The following ZNF423 variants were observed in gnomAD, a reference collection of about 807,000 sequenced individuals.
ZNF423 encodes Ebf-associated zinc finger protein.
ZNF423 carries 12 observed loss-of-function variants against 95.8 expected under a neutral mutation model. The ratio of observed to expected loss-of-function variants is 0.13; its 90% CI spans 0.08 to 0.20. The LOEUF is 0.20. Among genes scored for constraint, ZNF423 ranks in the 10% least tolerant of loss-of-function variants. The pLI, the probability that ZNF423 is intolerant of heterozygous loss-of-function variation, is 1.00. For synonymous variants in ZNF423, 749 were observed against 711.9 expected, an observed-to-expected ratio of 1.05 and a Z score of -0.83; for missense variants, 1,316 against 1,737.1, an observed-to-expected ratio of 0.76 and a Z score of 4.31.
intron 5 of ZNF423, among the ~76,000 whole-genome samples, chr16:49,526,302 T>C (rs1037676609): frequency 3.9e-5 from 6 of 152,216 alleles, no homozygotes; most frequent in African/African-American, 1.2e-4. Flanking sequence ...AAATGGTCTA[T>C]GCAGTGGATG....
chr16:49,523,812 A>C, intron 6 of ZNF423, 73 bp from the exon 7 acceptor site: 1 of 1,224,736 alleles, frequency 8.2e-7, no homozygotes, highest in Non-Finnish European at 1.2e-6. Flanking sequence ...TGCCCCCACA[A>C]CACTCGCAGG....
chr16:49,524,638 A>T (rs926397540), intron 6 of ZNF423, among the ~76,000 whole-genome samples: 2 of 152,198 alleles, frequency 1.3e-5, no homozygotes, highest in African/African-American at 4.8e-5. Context: ...CGCACCCAGG[A>T]GGTGGCCCAG....
intron 5 of ZNF423, among the ~76,000 whole-genome samples, chr16:49,571,416 G>A (rs1158437916): frequency 3.3e-5 from 5 of 152,060 alleles, no homozygotes; most frequent in African/African-American, 4.8e-5. Context: ...CAGCTGCTCC[G>A]AGGGCATCAG....
chr16:49,804,147 C>T (rs1398042615), intron 1 of ZNF423, among the ~76,000 whole-genome samples: 1 of 152,026 alleles, frequency 6.6e-6, no homozygotes, highest in Non-Finnish European at 1.5e-5. Flanking sequence ...GTTGGCTAGG[C>T]TGGTCTTGAA....
At chr16:49,508,092 A>G (rs1967724663) in intron 7 of ZNF423, among the ~76,000 whole-genome samples, 1 of 152,160 alleles carries the variant, frequency 6.6e-6, no homozygotes, top group Non-Finnish European at 1.5e-5. Flanking sequence ...TCTGTGCCTC[A>G]TTTTGCTTGT....
chr16:49,577,934 G>A (rs1025618045), intron 5 of ZNF423, among the ~76,000 whole-genome samples: 1 of 152,204 alleles, frequency 6.6e-6, no homozygotes, highest in Non-Finnish European at 1.5e-5. Flanking sequence ...TGCAGTAAAG[G>A]CCAGTGCCTG....
intron 4 of ZNF423, among the ~76,000 whole-genome samples, chr16:49,633,255 C>T (rs1330706528): frequency 6.6e-6 from 1 of 152,214 alleles, no homozygotes; most frequent in Non-Finnish European, 1.5e-5. Flanking sequence ...CAAGTCCTTA[C>T]TCCTCAATGA....
rs1399990945 is a variant in ZNF423 at position 49,855,201 on chromosome 16, C to T, written c.40+534G>A. Among the ~76,000 whole-genome samples the T allele has an allele frequency of 6.6e-6, 1 of 150,552 alleles. No individual in the cohort carries two copies. Among genetic ancestry groups the T allele is most frequent in the East Asian group, 2.0e-4 (1 of 5,062 alleles). Reference sequence around the variant, plus strand: ...CGCCCGGGGCGCTCGCCGACAGCGCCCGCCGCTCCCCGCGTCCTCGGGCGA... The same window carrying T: ...CGCCCGGGGCGCTCGCCGACAGCGCTCGCCGCTCCCCGCGTCCTCGGGCGA... On this transcript the variant is annotated intron_variant, in intron 1 of 7. Transcript: ENST00000563137. This position sits in a 1 kb window ranked among gnomAD's most constrained non-coding sequence, Gnocchi z 4.7.
chr16:49,837,759 G>T (rs909107408), intron 1 of ZNF423, among the ~76,000 whole-genome samples: 53 of 152,200 alleles, frequency 3.5e-4, no homozygotes, highest in African/African-American at 1.3e-3. Flanking sequence ...CATGGGGCGG[G>T]CCCAAGGCAG....
At position 49,636,625 on chromosome 16, in the gene ZNF423, T is replaced by G. The variant is rs749194700; in HGVS notation, c.2551A>C (p.Asn851His). 1 of 1,613,964 alleles carries G rather than the reference T, an allele frequency of 6.2e-7. No individual in the cohort carries two copies. Residue 851 changes from asparagine (N) to histidine (H), a missense_variant, in exon 4 of 8, where the codon AAT becomes CAT. By Grantham distance (68) the Asn-to-His change is moderately conservative. Around this residue, in one of 6 missense-constraint regions of ZNF423, gnomAD observed 620 missense variants for 775.6 expected, o/e 0.80. Transcript: ENST00000563137. The surrounding 1 kb of genome is among the most constrained non-coding windows in gnomAD (Gnocchi z 8.6). ...TTGGTGGCCATTGGGGGTACCCCAT[T>G]GGCCGTGCCGTTCTCGGTCGCAGCA... ...FDAATENGTA[N>H]GVPPMATKKA...
At chr16:49,621,165 G>A (rs1242235942) in intron 5 of ZNF423, among the ~76,000 whole-genome samples, 1 of 152,154 alleles carries the variant, frequency 6.6e-6, no homozygotes, top group East Asian at 1.9e-4. Flanking sequence ...GCAGAGCTGG[G>A]TCAACCCGGC....
chr16:49,646,846 A>G (rs1014903475), intron 3 of ZNF423, among the ~76,000 whole-genome samples: 1 of 152,216 alleles, frequency 6.6e-6, no homozygotes, highest in African/African-American at 2.4e-5. Context: ...TGCTGGGATC[A>G]CAGGCGTGAG....
chr16:49,638,768 G>T lies in ZNF423; in HGVS notation c.408C>A (p.Gly136=), dbSNP rs771424265. Residue 136 remains glycine, a synonymous_variant, in exon 4 of 8, where the codon GGC becomes GGA. Coordinates refer to ENST00000563137, the MANE Select transcript of ZNF423 (RefSeq NM_001379286.1). The surrounding 1 kb of genome is among the most constrained non-coding windows in gnomAD (Gnocchi z 5.6). ...MIGDGCDLGL[G]EEEGGTGLPY... Reference sequence around the variant, plus strand: ...GCAGGCCCGTGCCCCCTTCCTCCTCGCCGAGGCCGAGGTCACAACCATCTC... The same window carrying T: ...GCAGGCCCGTGCCCCCTTCCTCCTCTCCGAGGCCGAGGTCACAACCATCTC... The T allele has an allele frequency of 6.2e-7, 1 of 1,614,064 alleles. No individual in the cohort carries two copies. Among genetic ancestry groups the T allele is most frequent in the South Asian group, 1.1e-5 (1 of 91,064 alleles).
intron 5 of ZNF423, among the ~76,000 whole-genome samples, chr16:49,534,896 G>A (rs764409780): frequency 6.6e-6 from 1 of 152,140 alleles, no homozygotes; most frequent in Non-Finnish European, 1.5e-5. Flanking sequence ...TTCCCTTGTG[G>A]CTCGCTGCAG....
At position 49,789,486 on chromosome 16, in the gene ZNF423, C is replaced by T. The variant is rs755663229; in HGVS notation, c.100+1G>A. On this transcript the variant is annotated splice_donor_variant, in intron 2 of 7. Transcript: ENST00000563137. LOFTEE classifies it high-confidence loss of function. Reference sequence around the variant, plus strand: ...TCTTCCACCAGCCCCCGGGCATTTACCTGCTGCTGTCACGGAGGAATCCCA... The same window carrying T: ...TCTTCCACCAGCCCCCGGGCATTTATCTGCTGCTGTCACGGAGGAATCCCA... The T allele has an allele frequency of 1.2e-6, 2 of 1,612,246 alleles. No homozygotes were observed. Among genetic ancestry groups the T allele is most frequent in the Non-Finnish European group, 1.7e-6 (2 of 1,179,450 alleles).
chr16:49,547,959 C>A (rs1597085798), intron 5 of ZNF423, among the ~76,000 whole-genome samples: 2 of 152,204 alleles, frequency 1.3e-5, no homozygotes, highest in Non-Finnish European at 2.9e-5. Context: ...CTTTCCCTTG[C>A]ACACCTCAAA....
At chr16:49,737,184 A>T (rs2033307250) in intron 2 of ZNF423, among the ~76,000 whole-genome samples, 1 of 152,070 alleles carries the variant, frequency 6.6e-6, no homozygotes, top group Non-Finnish European at 1.5e-5. Context: ...GGAAAAAAAA[A>T]AAACAAGGCT....
chr16:49,814,407 C>T (rs963768746), intron 1 of ZNF423, among the ~76,000 whole-genome samples: 4 of 151,364 alleles, frequency 2.6e-5, no homozygotes, highest in Non-Finnish European at 4.4e-5. Context: ...ATAGACTGCA[C>T]CTGCCCTTTC....
At chr16:49,556,504 C>G (rs1969831731) in intron 5 of ZNF423, among the ~76,000 whole-genome samples, 1 of 152,182 alleles carries the variant, frequency 6.6e-6, no homozygotes, top group South Asian at 2.1e-4. Context: ...CCACAGCCCC[C>G]AGTTCAGTAC....
Sources: allele counts gnomAD v4.1 joint callset (sites outside exome capture counted in the v4.1 genomes callset), GRCh38; gene constraint gnomAD v4.1.1; regional missense constraint gnomAD v4.1.1; non-coding constraint Gnocchi (gnomAD v3.1); transcripts MANE v1.5; gene names NCBI Gene and HGNC (gene_info 2026-07-23, HGNC 2026-07-21).